MTSS1: variants seen among roughly 807,000 people sequenced by gnomAD.
The protein encoded by MTSS1 is MTSS I-BAR domain containing 1.
A neutral mutation model predicts 79.0 loss-of-function variants in MTSS1; 18 were observed. That is an observed-to-expected ratio of 0.23 (90% CI 0.16 to 0.34). MTSS1 has a LOEUF of 0.34. Ranked by LOEUF, MTSS1 falls within the 10% of genes least tolerant of loss-of-function variation. The pLI is 1.00. For synonymous variants in MTSS1, 341 were observed against 368.6 expected (o/e 0.93, Z 0.86); for missense variants, 815 against 986.2 (o/e 0.83, Z 2.33).
rs1016945326 is a variant in MTSS1, at chr8:124,727,484, C to T, written c.72+400G>A. 3 of 452,226 alleles carry T rather than the reference C, an allele frequency of 6.6e-6. No individual in the cohort carries two copies. In the East Asian group the frequency reaches 2.1e-4, roughly 32 times the overall value. 28.0% of individuals were successfully genotyped at this position (452,226 alleles called of 1,614,324 possible). On this transcript the variant is annotated intron_variant, in intron 1 of 13. Coordinates refer to ENST00000518547, the MANE Select transcript of MTSS1 (RefSeq NM_014751.6). This position sits in a 1 kb window ranked among gnomAD's most constrained non-coding sequence, Gnocchi z 4.7. Reference sequence around the variant, plus strand: ...CCCCACTTCCTCCCCACCACCGCGCCAGGCGCCCCCACCCCGTGCCCGGAG... The same window carrying T: ...CCCCACTTCCTCCCCACCACCGCGCTAGGCGCCCCCACCCCGTGCCCGGAG...
Position 124,623,062 on chromosome 8 carries a change from G to A in MTSS1, c.209-31827C>T, listed in dbSNP as rs559658527. Among the ~76,000 whole-genome samples the A allele has an allele frequency of 5.3e-5, 8 of 152,342 alleles. No homozygotes were observed. In the East Asian group the frequency reaches 1.2e-3, roughly 22 times the overall value. ...ACCTTCCAGGAGGGCAGGTCACTGC[G>A]ATGAGAGGAAGCACTCAAGTGGTTC... On this transcript the variant is annotated intron_variant, in intron 3 of 13. Coordinates refer to ENST00000518547, the MANE Select transcript of MTSS1 (RefSeq NM_014751.6).
At chr8:124,687,968 G>A (rs28502052) in intron 3 of MTSS1, among the ~76,000 whole-genome samples, 47,277 of 152,000 alleles carry the variant, frequency 0.31, 7,571 homozygotes, top group East Asian at 0.44. Flanking sequence ...TGTGAAATGC[G>A]CTCAAATGCG....
At chr8:124,566,786 C>G (rs917065039) in intron 8 of MTSS1, among the ~76,000 whole-genome samples, 2 of 152,160 alleles carry the variant, frequency 1.3e-5, no homozygotes, top group African/African-American at 4.8e-5. Flanking sequence ...CTGAACCTGG[C>G]TAAGTGACTC....
chr8:124,649,737 C>A (rs552276958), intron 3 of MTSS1, among the ~76,000 whole-genome samples: 1 of 152,046 alleles, frequency 6.6e-6, no homozygotes, highest in East Asian at 1.9e-4. Flanking sequence ...AGACTCAGCA[C>A]GACAACCAAA....
intron 3 of MTSS1, among the ~76,000 whole-genome samples, chr8:124,623,247 C>G (rs1383052491): frequency 6.6e-6 from 1 of 152,238 alleles, no homozygotes; most frequent in African/African-American, 2.4e-5. Context: ...CTTACGAAGA[C>G]TACACACAAC....
chr8:124,628,257 G>A (rs1417856663), intron 3 of MTSS1, among the ~76,000 whole-genome samples: 4 of 152,140 alleles, frequency 2.6e-5, no homozygotes, highest in Admixed American at 2.6e-4. Flanking sequence ...TGCTGAGAAC[G>A]GGTGCTTCCC....
intron 2 of MTSS1, among the ~76,000 whole-genome samples, chr8:124,701,502 C>T (rs1243234196): frequency 2.0e-5 from 3 of 152,172 alleles, no homozygotes. Flanking sequence ...AAAGAGTTGA[C>T]ATCAAACACA....
intron 3 of MTSS1, among the ~76,000 whole-genome samples, chr8:124,661,508 G>A (rs1227020555): frequency 6.6e-6 from 1 of 152,146 alleles, no homozygotes; most frequent in Non-Finnish European, 1.5e-5. Flanking sequence ...AAGGAGCCCC[G>A]CAGCTGGGAA....
At chr8:124,691,392 T>A (rs1346775710) in intron 3 of MTSS1, among the ~76,000 whole-genome samples, 1 of 152,232 alleles carries the variant, frequency 6.6e-6, no homozygotes, top group Non-Finnish European at 1.5e-5. Context: ...TTTATAGATT[T>A]TATTTGTACT....
chr8:124,621,574 T>C (rs935962928), intron 3 of MTSS1, among the ~76,000 whole-genome samples: 3 of 152,122 alleles, frequency 2.0e-5, no homozygotes, highest in Non-Finnish European at 4.4e-5. Context: ...AGACGGCGTC[T>C]CGCCCTGTCG....
chr8:124,726,410 A>G (rs1833703882), intron 1 of MTSS1, among the ~76,000 whole-genome samples: 1 of 152,212 alleles, frequency 6.6e-6, no homozygotes, highest in Non-Finnish European at 1.5e-5. Context: ...GCTGTCTTTC[A>G]ACAGGGAATA....
At chr8:124,615,244 G>A (rs904559383) in intron 3 of MTSS1, among the ~76,000 whole-genome samples, 1 of 152,000 alleles carries the variant, frequency 6.6e-6, no homozygotes, top group African/African-American at 2.4e-5. Context: ...CATGCTGGGG[G>A]GTAGGCAGAG....
rs1189373090 is a variant in MTSS1, at chr8:124,559,338, C to T, written c.1036-1463G>A. On this transcript the variant is annotated intron_variant, in intron 10 of 13. Transcript: ENST00000518547. ...TACATGTCTGCCTGGAATGGCTCGA[C>T]TTCCTGGAGTCTCCTTTCATCAAAT... Among the ~76,000 whole-genome samples, 5 of 152,216 alleles carry T rather than the reference C, an allele frequency of 3.3e-5. No individual in the cohort carries two copies. The East Asian group carries it at 9.6e-4, about 29-fold the overall frequency.
intron 12 of MTSS1, 31 bp downstream of exon 12, chr8:124,556,201 C>T (rs527705728): frequency 8.1e-6 from 13 of 1,613,988 alleles, no homozygotes; most frequent in African/African-American, 6.7e-5. Flanking sequence ...CTGAGGTGGC[C>T]CCAACCAGCT....
At chr8:124,656,602 T>C (rs1388101417) in intron 3 of MTSS1, among the ~76,000 whole-genome samples, 2 of 151,300 alleles carry the variant, frequency 1.3e-5, no homozygotes, top group African/African-American at 4.9e-5. Context: ...TGAAACCCTG[T>C]CTCTACTAAA....
At chr8:124,696,600 C>T (rs992208895) in intron 3 of MTSS1, among the ~76,000 whole-genome samples, 3 of 152,110 alleles carry the variant, frequency 2.0e-5, no homozygotes, top group Admixed American at 6.5e-5. Context: ...CGCCTGTAAT[C>T]CCAGTACTTT....
intron 3 of MTSS1, among the ~76,000 whole-genome samples, chr8:124,655,216 C>T (rs934028338): frequency 4.6e-5 from 7 of 152,244 alleles, no homozygotes; most frequent in Non-Finnish European, 7.3e-5. Flanking sequence ...TGCCAGGAGC[C>T]CTGCCTGGTG....
chr8:124,616,961 A>G (rs1836989920), intron 3 of MTSS1, among the ~76,000 whole-genome samples: 1 of 152,212 alleles, frequency 6.6e-6, no homozygotes, highest in Admixed American at 6.5e-5. Context: ...GAGACTAGCA[A>G]TTCACCTGAA....
At chr8:124,634,736 C>T (rs1816677975) in intron 3 of MTSS1, among the ~76,000 whole-genome samples, 1 of 151,962 alleles carries the variant, frequency 6.6e-6, no homozygotes, top group Non-Finnish European at 1.5e-5. Flanking sequence ...ATGCACAGTC[C>T]ATGTCCTTGG....
Sources: allele counts gnomAD v4.1 joint callset (sites outside exome capture counted in the v4.1 genomes callset), GRCh38; gene constraint gnomAD v4.1.1; non-coding constraint Gnocchi (gnomAD v3.1); transcripts MANE v1.5; gene names NCBI Gene and HGNC (gene_info 2026-07-23, HGNC 2026-07-21).